Variants in GMDS observed in about 807,000 individuals in gnomAD.
GMDS encodes the protein GDP-mannose 4,6-dehydratase, also known as GDP-mannose 4,6 dehydratase.
In GMDS, 20 loss-of-function variants were observed where a neutral mutation model predicts 49.9. The observed-to-expected ratio is 0.40, with a 90% CI of 0.28 to 0.58. The LOEUF (loss-of-function observed/expected upper bound fraction) is 0.58, where lower values mean the gene tolerates loss of function less well. Among genes scored for constraint, GMDS ranks in the 20% least tolerant of loss-of-function variants. The pLI is 0.42. For missense variants in GMDS, 362 were observed against 481.4 expected (o/e 0.75, Z 2.32); for synonymous variants, 177 against 178.6 (o/e 0.99, Z 0.07).
intron 9 of GMDS, among the ~76,000 whole-genome samples, chr6:1,688,480 C>T (rs1042791793): frequency 2.9e-4 from 44 of 152,354 alleles, no homozygotes; most frequent in African/African-American, 9.9e-4. Flanking sequence ...GTTCCCTCCA[C>T]CTTCTAAAGT....
At chr6:2,170,934 G>A (rs1777973896) in intron 1 of GMDS, among the ~76,000 whole-genome samples, 1 of 152,062 alleles carries the variant, frequency 6.6e-6, no homozygotes, top group South Asian at 2.1e-4. Flanking sequence ...GGCAGAGCTT[G>A]TGGTGAGCCG....
chr6:1,967,678 C>A (rs142812378), intron 4 of GMDS, among the ~76,000 whole-genome samples: 3 of 152,142 alleles, frequency 2.0e-5, no homozygotes, highest in Admixed American at 6.5e-5. Flanking sequence ...AAAGACACTG[C>A]GATGGGATAT....
chr6:1,932,344 C>A (rs57142351), intron 6 of GMDS, among the ~76,000 whole-genome samples: 18,701 of 152,060 alleles, frequency 0.12, 1,160 homozygotes, highest in South Asian at 0.17. Flanking sequence ...CCATTTTGTA[C>A]ATGAAGAAGC....
chr6:1,986,575 T>C lies in GMDS; in HGVS notation c.346-25609A>G, dbSNP rs1765560830. Among the ~76,000 whole-genome samples, 14 of 152,196 alleles carry C rather than the reference T, an allele frequency of 9.2e-5. No individual in the cohort carries two copies. In the South Asian group the frequency reaches 2.9e-3, roughly 32 times the overall value. On this transcript the variant is annotated intron_variant, in intron 4 of 10. Transcript: ENST00000380815. ...ATCACAAAGCTGTATTAATAGCTAA[T>C]CTTCAGACTTCTCTGTGAAGGCAGA...
intron 7 of GMDS, among the ~76,000 whole-genome samples, chr6:1,929,696 C>G (rs1762197955): frequency 6.6e-6 from 1 of 152,092 alleles, no homozygotes; most frequent in African/African-American, 2.4e-5. Context: ...CTTGGCGGGA[C>G]TTAGTAGAAT....
chr6:1,965,290 A>G (rs1319593285), intron 4 of GMDS, among the ~76,000 whole-genome samples: 1 of 152,236 alleles, frequency 6.6e-6, no homozygotes, highest in Non-Finnish European at 1.5e-5. Flanking sequence ...CTGTTAGACT[A>G]AAGATAGTAA....
chr6:2,202,960 G>A (rs751465755), intron 1 of GMDS, among the ~76,000 whole-genome samples: 43 of 152,226 alleles, frequency 2.8e-4, no homozygotes, highest in Non-Finnish European at 5.6e-4. Context: ...CTGGGTCTGG[G>A]CTGTGCACCC....
At chr6:1,742,620 T>A in intron 7 of GMDS, 34 bp from the exon 8 acceptor site, 1 of 1,119,116 alleles carries the variant, frequency 8.9e-7, no homozygotes, top group Non-Finnish European at 1.4e-6. Flanking sequence ...CACTTTGAAG[T>A]CACACTCAGT....
At chr6:1,914,388 A>G (rs1300353887) in intron 7 of GMDS, among the ~76,000 whole-genome samples, 1 of 150,386 alleles carries the variant, frequency 6.6e-6, no homozygotes, top group Non-Finnish European at 1.5e-5. Context: ...AATGGCGTGA[A>G]CCCAGGAGGT....
chr6:1,877,859 A>G (rs1386420687), intron 7 of GMDS, among the ~76,000 whole-genome samples: 2 of 152,176 alleles, frequency 1.3e-5, no homozygotes, highest in Non-Finnish European at 2.9e-5. Context: ...TATACAAATT[A>G]TATGATCTAA....
intron 9 of GMDS, among the ~76,000 whole-genome samples, chr6:1,660,346 C>G (rs548447277): frequency 6.6e-6 from 1 of 152,162 alleles, no homozygotes; most frequent in East Asian, 1.9e-4. Context: ...ATTTTTCACA[C>G]AAATCTTGAA....
intron 4 of GMDS, among the ~76,000 whole-genome samples, chr6:2,014,840 T>G (rs1299352249): frequency 6.6e-6 from 1 of 152,022 alleles, no homozygotes. Flanking sequence ...CACTTTTAAG[T>G]ATAAAGTCAC....
At chr6:1,708,699 G>A (rs899060997) in intron 9 of GMDS, among the ~76,000 whole-genome samples, 2 of 152,234 alleles carry the variant, frequency 1.3e-5, no homozygotes, top group African/African-American at 2.4e-5. Context: ...AAGGGCACAT[G>A]AAAGAAAGGC....
At chr6:1,989,347 C>T (rs1379300756) in intron 4 of GMDS, among the ~76,000 whole-genome samples, 1 of 152,048 alleles carries the variant, frequency 6.6e-6, no homozygotes, top group Non-Finnish European at 1.5e-5. Flanking sequence ...CAAATTCCTA[C>T]ATCAGAACAG....
chr6:2,015,715 A>G (rs1160245619), intron 4 of GMDS, among the ~76,000 whole-genome samples: 1 of 152,152 alleles, frequency 6.6e-6, no homozygotes, highest in Non-Finnish European at 1.5e-5. Flanking sequence ...TACCAAATCC[A>G]ACTACTATGA....
intron 4 of GMDS, among the ~76,000 whole-genome samples, chr6:2,058,382 A>G (rs2127444239): frequency 6.6e-6 from 1 of 152,138 alleles, no homozygotes; most frequent in East Asian, 1.9e-4. Flanking sequence ...ATGCATTAGA[A>G]GGAGGAAAAA....
At position 1,929,464 on chromosome 6, in the gene GMDS, T is replaced by C. The variant is rs114809762; in HGVS notation, c.771+639A>G. ...AATCATACTACTTGCGTATGTAATA[T>C]ATGCAAACCCAAAACAGCATGTCTA... On this transcript the variant is annotated intron_variant, in intron 7 of 10. Transcript: ENST00000380815. Among the ~76,000 whole-genome samples the C allele has an allele frequency of 6.3e-3, 953 of 152,354 alleles. 8 individuals carry two copies. The highest frequency in any genetic ancestry group is 0.021 in the African/African-American group (893 of 41,574).
intron 6 of GMDS, among the ~76,000 whole-genome samples, chr6:1,950,839 T>C (rs1488943886): frequency 6.6e-6 from 1 of 151,938 alleles, no homozygotes; most frequent in Non-Finnish European, 1.5e-5. Context: ...CCATGAACCA[T>C]CTGGACAGGA....
intron 7 of GMDS, among the ~76,000 whole-genome samples, chr6:1,792,535 T>C (rs1244657295): frequency 1.3e-5 from 2 of 152,164 alleles, no homozygotes; most frequent in Non-Finnish European, 2.9e-5. Context: ...TTGGATCTCC[T>C]GCAACTATTC....
Sources: allele counts gnomAD v4.1 joint callset (sites outside exome capture counted in the v4.1 genomes callset), GRCh38; gene constraint gnomAD v4.1.1; transcripts MANE v1.5; gene names NCBI Gene and HGNC (gene_info 2026-07-23, HGNC 2026-07-21).